The following DNM3 variants were observed in gnomAD, a reference collection of about 807,000 sequenced individuals.
DNM3 encodes the protein dynamin-3.
Under a neutral mutation model 101.6 loss-of-function variants are expected in DNM3, and 47 were observed. The ratio of observed to expected loss-of-function variants is 0.46; its 90% CI spans 0.37 to 0.59. DNM3 has a LOEUF of 0.59. Among genes scored for constraint, DNM3 ranks in the 20% least tolerant of loss-of-function variants. The pLI is 0.00. For synonymous variants in DNM3, 385 were observed against 387.9 expected, an observed-to-expected ratio of 0.99 and a Z score of 0.09; for missense variants, 849 against 1,085.7, an observed-to-expected ratio of 0.78 and a Z score of 3.06.
chr1:172,318,019 C>G (rs944041892), intron 16 of DNM3, among the ~76,000 whole-genome samples: 13 of 152,164 alleles, frequency 8.5e-5, no homozygotes, highest in Non-Finnish European at 1.8e-4. Context: ...TCCAGCAGCA[C>G]ATCAAAAAGC....
chr1:172,396,972 A>G (rs1403402463), intron 20 of DNM3, among the ~76,000 whole-genome samples: 2 of 152,096 alleles, frequency 1.3e-5, no homozygotes, highest in Non-Finnish European at 2.9e-5. Context: ...TACCATGTGT[A>G]TTTTTTTAAG....
intron 11 of DNM3, among the ~76,000 whole-genome samples, chr1:172,078,990 G>A (rs913788688): frequency 1.3e-5 from 2 of 152,218 alleles, no homozygotes; most frequent in Non-Finnish European, 2.9e-5. Flanking sequence ...TATATCCGCT[G>A]TTAGTCTGAT....
intron 4 of DNM3, among the ~76,000 whole-genome samples, chr1:172,026,914 A>G (rs1484843355): frequency 6.6e-6 from 1 of 152,104 alleles, no homozygotes; most frequent in African/African-American, 2.4e-5. Flanking sequence ...CAGCCTCCCA[A>G]AGTGCTGGGA....
intron 17 of DNM3, chr1:172,376,536 C>T (rs1427468100): frequency 1.3e-5 from 2 of 152,044 alleles, no homozygotes; most frequent in Non-Finnish European, 2.9e-5. Context: ...GGAAGTGTTG[C>T]TCTCTGCAAT....
At chr1:171,961,252 C>T (rs572812768) in intron 2 of DNM3, among the ~76,000 whole-genome samples, 43 of 152,170 alleles carry the variant, frequency 2.8e-4, no homozygotes, top group African/African-American at 9.6e-4. Context: ...GCAGTGCACT[C>T]CAGCCTGGGT....
At chr1:172,302,097 G>C (rs2064485102) in intron 15 of DNM3, among the ~76,000 whole-genome samples, 1 of 152,140 alleles carries the variant, frequency 6.6e-6, no homozygotes, top group Non-Finnish European at 1.5e-5. Flanking sequence ...CCTGGGGTTG[G>C]GGAATTTCCC....
intron 14 of DNM3, among the ~76,000 whole-genome samples, chr1:172,251,679 T>A (rs1002359947): frequency 6.6e-6 from 1 of 152,102 alleles, no homozygotes; most frequent in Non-Finnish European, 1.5e-5. Flanking sequence ...AGAGCCTACT[T>A]CTATAGAAAA....
intron 1 of DNM3, among the ~76,000 whole-genome samples, chr1:171,849,931 ATTATTT>A (rs2032723191): frequency 6.6e-6 from 1 of 152,236 alleles, no homozygotes; most frequent in African/African-American, 2.4e-5. Flanking sequence ...TTTTTCTGAC[ATTATTT>A]TTAGTTTTCT....
chr1:171,877,797 C>T (rs2125111954), intron 1 of DNM3, among the ~76,000 whole-genome samples: 1 of 152,288 alleles, frequency 6.6e-6, no homozygotes, highest in East Asian at 1.9e-4. Flanking sequence ...ATTCCTTGAC[C>T]TTTGGCTATT....
chr1:172,204,808 A>G (rs1020479589), intron 14 of DNM3, among the ~76,000 whole-genome samples: 1 of 152,122 alleles, frequency 6.6e-6, no homozygotes, highest in African/African-American at 2.4e-5. Flanking sequence ...GGCATCCTGA[A>G]TGTTCTACCC....
chr1:172,148,199 T>A (rs2057991601), intron 14 of DNM3, among the ~76,000 whole-genome samples: 1 of 152,150 alleles, frequency 6.6e-6, no homozygotes, highest in Admixed American at 6.6e-5. Context: ...TTTCACAGTT[T>A]TGTACTAAGA....
At chr1:172,294,648 C>T (rs2064069915) in intron 15 of DNM3, among the ~76,000 whole-genome samples, 3 of 152,112 alleles carry the variant, frequency 2.0e-5, no homozygotes, top group Admixed American at 6.6e-5. Flanking sequence ...TGCAGTGGCT[C>T]AAACCTGTAA....
intron 14 of DNM3, among the ~76,000 whole-genome samples, chr1:172,215,656 A>T (rs896440637): frequency 2.0e-5 from 3 of 152,042 alleles, no homozygotes; most frequent in Admixed American, 6.6e-5. Flanking sequence ...GCAAAAACAA[A>T]TTTTTAAGGT....
At chr1:172,083,606 A>G (rs957197342) in intron 12 of DNM3, among the ~76,000 whole-genome samples, 2 of 152,232 alleles carry the variant, frequency 1.3e-5, no homozygotes, top group Admixed American at 1.3e-4. Flanking sequence ...GGGAAAATGT[A>G]GAAAAAGTCA....
At chr1:171,914,390 C>T (rs2039545276) in intron 1 of DNM3, among the ~76,000 whole-genome samples, 1 of 152,226 alleles carries the variant, frequency 6.6e-6, no homozygotes, top group African/African-American at 2.4e-5. Context: ...CTCCCAACCT[C>T]AGGTGATCTG....
chr1:172,297,372 A>G (rs2064219444), intron 15 of DNM3, among the ~76,000 whole-genome samples: 1 of 151,918 alleles, frequency 6.6e-6, no homozygotes, highest in Non-Finnish European at 1.5e-5. Flanking sequence ...CTCATTTGCA[A>G]TCTTGTATAC....
intron 4 of DNM3, among the ~76,000 whole-genome samples, chr1:172,026,841 G>T (rs929566111): frequency 2.6e-5 from 4 of 151,964 alleles, no homozygotes; most frequent in Admixed American, 6.6e-5. Context: ...TTTTAGTAGA[G>T]ACAGGGTTTC....
At chr1:172,134,950 T>A (rs899984938) in intron 14 of DNM3, among the ~76,000 whole-genome samples, 1 of 152,172 alleles carries the variant, frequency 6.6e-6, no homozygotes. Flanking sequence ...AGAAGTTTTT[T>A]AAGCTGGAGA....
chr1:172,032,470 C>A lies in DNM3; in HGVS notation c.658C>A (p.Leu220Ile). 1 of 1,577,346 alleles carries A rather than the reference C, an allele frequency of 6.3e-7. No individual in the cohort carries two copies. The change falls in exon 5 of 21, where the codon CTA becomes ATA. Residue 220 changes from leucine (L) to isoleucine (I), a missense_variant. By Grantham distance (5) the Leu-to-Ile change is conservative. This residue lies in a region of DNM3 where 388 missense variants were observed against 483.0 expected (regional missense o/e 0.80). Coordinates refer to ENST00000627582, the MANE Select transcript of DNM3 (RefSeq NM_015569.5). The part of the protein sequence containing the change: ...MDEGTDARDV[L>I]ENKLLPLRRG... ...TGAAGGAACGGATGCCAGGGATGTTCTAGAGAACAAACTGTTGCCTCTTCG... is the reference window on the plus strand; with the variant it reads ...TGAAGGAACGGATGCCAGGGATGTTATAGAGAACAAACTGTTGCCTCTTCG...
Sources: allele counts gnomAD v4.1 joint callset (sites outside exome capture counted in the v4.1 genomes callset), GRCh38; gene constraint gnomAD v4.1.1; regional missense constraint gnomAD v4.1.1; transcripts MANE v1.5; gene names NCBI Gene and HGNC (gene_info 2026-07-23, HGNC 2026-07-21).